The following MAN1A2 variants were observed in gnomAD, a reference collection of about 807,000 sequenced individuals.
The protein encoded by MAN1A2 is mannosidase alpha class 1A member 2, also known as mannosyl-oligosaccharide 1,2-alpha-mannosidase IB.
MAN1A2 carries 26 observed loss-of-function variants against 75.7 expected under a neutral mutation model. That is an observed-to-expected ratio of 0.34 (90% CI 0.25 to 0.48). MAN1A2 has a LOEUF of 0.48. Ranked by LOEUF, MAN1A2 falls within the 20% of genes least tolerant of loss-of-function variation. The pLI, the probability that MAN1A2 is intolerant of heterozygous loss-of-function variation, is 0.99. For missense variants in MAN1A2, 562 were observed against 775.5 expected (o/e 0.72, Z 3.27); for synonymous variants, 247 against 264.6 (o/e 0.93, Z 0.65).
At chr1:117,506,151 C>A (rs1651355524) in intron 12 of MAN1A2, among the ~76,000 whole-genome samples, 1 of 151,448 alleles carries the variant, frequency 6.6e-6, no homozygotes, top group Non-Finnish European at 1.5e-5. Flanking sequence ...TTAAATATTT[C>A]TCAAATATCA....
Position 117,525,677 on chromosome 1 carries a change from T to C in MAN1A2, c.*2720T>C, listed in dbSNP as rs1417953972. The stretch of plus-strand genomic sequence containing the variant: ...AAAATAGGAATTTTGAACACTGTTC[T>C]TCCTTCTACATTTATTTCTCTTCAT... On this transcript the variant is annotated 3_prime_UTR_variant, in exon 13 of 13. Coordinates refer to ENST00000356554, the MANE Select transcript of MAN1A2 (RefSeq NM_006699.5). 1 of 151,918 alleles carries C rather than the reference T, an allele frequency of 6.6e-6. No individual in the cohort carries two copies. Among genetic ancestry groups the C allele is most frequent in the Non-Finnish European group, 1.5e-5 (1 of 67,860 alleles). 9.4% of individuals were successfully genotyped at this position (151,918 alleles called of 1,614,324 possible).
At chr1:117,505,463 A>G (rs141580273) in intron 12 of MAN1A2, among the ~76,000 whole-genome samples, 35 of 151,282 alleles carry the variant, frequency 2.3e-4, no homozygotes, top group African/African-American at 8.2e-4. Flanking sequence ...GTAACCAGTT[A>G]TTTATGTATA....
intron 6 of MAN1A2, among the ~76,000 whole-genome samples, chr1:117,451,614 T>C (rs777509395): frequency 1.3e-5 from 2 of 152,176 alleles, no homozygotes; most frequent in Non-Finnish European, 2.9e-5. Context: ...AATCATGCTA[T>C]TCTTGTGATA....
Position 117,446,943 on chromosome 1 carries a change from G to A in MAN1A2, c.950+4618G>A, listed in dbSNP as rs144079105. Among the ~76,000 whole-genome samples, 1,151 of 152,066 alleles carry A rather than the reference G, an allele frequency of 7.6e-3. 7 individuals are homozygous for A. Among genetic ancestry groups the A allele is most frequent in the African/African-American group, 0.026 (1,095 of 41,518 alleles). On this transcript the variant is annotated intron_variant, in intron 6 of 12. Coordinates refer to ENST00000356554, the MANE Select transcript of MAN1A2 (RefSeq NM_006699.5). ...AATTTTTTGCTTCATGCATTTTGACGAAGCTTTACTCTTAAGTACTTACAC... is the reference window on the plus strand; with the variant it reads ...AATTTTTTGCTTCATGCATTTTGACAAAGCTTTACTCTTAAGTACTTACAC...
At chr1:117,442,664 C>CA (rs1403200501) in intron 6 of MAN1A2, among the ~76,000 whole-genome samples, 2 of 152,104 alleles carry the variant, frequency 1.3e-5, no homozygotes, top group African/African-American at 4.8e-5. Flanking sequence ...AGAATAGAGT[C>CA]AAAGTACATC....
chr1:117,437,072 C>T (rs756438507), intron 5 of MAN1A2, among the ~76,000 whole-genome samples: 10 of 152,130 alleles, frequency 6.6e-5, no homozygotes, highest in Non-Finnish European at 1.3e-4. Context: ...GAACAGCCAT[C>T]TAGCCTTTAA....
At chr1:117,497,595 A>C (rs1027571218) in intron 10 of MAN1A2, among the ~76,000 whole-genome samples, 1 of 151,888 alleles carries the variant, frequency 6.6e-6, no homozygotes, top group Non-Finnish European at 1.5e-5. Context: ...GGGCTGAGAA[A>C]ATTTTTACTC....
intron 1 of MAN1A2, among the ~76,000 whole-genome samples, chr1:117,384,742 G>T (rs1653465858): frequency 6.6e-6 from 1 of 151,982 alleles, no homozygotes; most frequent in African/African-American, 2.4e-5. Context: ...TATTTTGGGG[G>T]TTCTGTTGTT....
chr1:117,450,757 C>T (rs1178136903), intron 6 of MAN1A2, among the ~76,000 whole-genome samples: 1 of 152,170 alleles, frequency 6.6e-6, no homozygotes, highest in African/African-American at 2.4e-5. Context: ...CCTCAAGCTT[C>T]CATGTGGTGT....
chr1:117,428,710 G>C (rs1002899780), intron 5 of MAN1A2, among the ~76,000 whole-genome samples: 2 of 150,494 alleles, frequency 1.3e-5, no homozygotes, highest in Admixed American at 1.3e-4. Context: ...AGTGTAGAAA[G>C]GTTTAAATGA....
intron 12 of MAN1A2, among the ~76,000 whole-genome samples, chr1:117,505,481 A>G (rs1400893100): frequency 6.6e-6 from 1 of 150,710 alleles, no homozygotes; most frequent in Non-Finnish European, 1.5e-5. Flanking sequence ...ATATCTATCT[A>G]TATATATATA....
At chr1:117,493,598 T>C in intron 9 of MAN1A2, 1 of 167,376 alleles carries the variant, frequency 6.0e-6, no homozygotes, top group South Asian at 1.4e-4. Flanking sequence ...CTGGCCAACA[T>C]GGTGAAAACC....
At chr1:117,383,652 C>G (rs1361122097) in intron 1 of MAN1A2, among the ~76,000 whole-genome samples, 1 of 152,032 alleles carries the variant, frequency 6.6e-6, no homozygotes, top group Non-Finnish European at 1.5e-5. Flanking sequence ...AGATTCTCTT[C>G]TTGAGTCAGT....
intron 5 of MAN1A2, among the ~76,000 whole-genome samples, chr1:117,426,327 G>A (rs1347004576): frequency 6.6e-6 from 1 of 151,974 alleles, no homozygotes. Context: ...AGGGGTATGA[G>A]TAGGACTGTT....
intron 7 of MAN1A2, among the ~76,000 whole-genome samples, chr1:117,461,537 C>A (rs1649821134): frequency 6.6e-6 from 1 of 151,964 alleles, no homozygotes; most frequent in Non-Finnish European, 1.5e-5. Context: ...TTCAAAATAG[C>A]TAGAAGAGAA....
At chr1:117,376,713 C>G (rs1211631799) in intron 1 of MAN1A2, among the ~76,000 whole-genome samples, 1 of 152,186 alleles carries the variant, frequency 6.6e-6, no homozygotes, top group Non-Finnish European at 1.5e-5. Context: ...TACAGTTGGC[C>G]CTCTGTATCC....
At chr1:117,373,606 T>C (rs1386262534) in intron 1 of MAN1A2, among the ~76,000 whole-genome samples, 2 of 151,788 alleles carry the variant, frequency 1.3e-5, no homozygotes, top group Non-Finnish European at 2.9e-5. Flanking sequence ...GCCTTCTGAG[T>C]AGCTGAAACT....
rs940044885 is a variant in MAN1A2 at position 117,524,276 on chromosome 1, A to T, written c.*1319A>T. 4 of 152,210 alleles carry T rather than the reference A, an allele frequency of 2.6e-5. No individual in the cohort carries two copies. In the East Asian group the frequency reaches 7.7e-4, roughly 29 times the overall value. The allele number at this position is 152,210 out of a possible 1,614,324, so 9.4% of individuals were successfully genotyped here. A position where few individuals can be genotyped will look rare whatever the true frequency, so the allele number is the denominator to read the frequency against. On this transcript the variant is annotated 3_prime_UTR_variant, in exon 13 of 13. Coordinates refer to ENST00000356554, the MANE Select transcript of MAN1A2 (RefSeq NM_006699.5). ...AGGTTTTGCATTGATATTTCTTTTTAAATAAACTACTAGTTCTTTATATTT... is the reference window on the plus strand; with the variant it reads ...AGGTTTTGCATTGATATTTCTTTTTTAATAAACTACTAGTTCTTTATATTT...
At chr1:117,467,408 A>G (rs1296988527) in intron 8 of MAN1A2, among the ~76,000 whole-genome samples, 40 of 152,114 alleles carry the variant, frequency 2.6e-4, no homozygotes. Flanking sequence ...TTGCCCTGGA[A>G]TTGTCTTTTT....
Sources: gnomAD v4.1 joint callset for allele counts (sites outside exome capture counted in the v4.1 genomes callset) on GRCh38, gnomAD v4.1.1 for gene constraint, MANE v1.5 for transcripts, NCBI Gene and HGNC (gene_info 2026-07-23, HGNC 2026-07-21) for gene names.